The following PHF20 variants were observed in gnomAD, a reference collection of about 807,000 sequenced individuals.
PHF20 encodes the protein PHD finger protein 20.
A neutral mutation model predicts 113.5 loss-of-function variants in PHF20; 23 were observed. That is an observed-to-expected ratio of 0.20 (90% CI 0.15 to 0.29). The LOEUF is 0.29. PHF20 is among the 10% of genes least tolerant of loss of function. The probability of loss-of-function intolerance (pLI) is 1.00; values close to 1 mark genes in which losing one functional copy is unlikely to be tolerated. For synonymous variants in PHF20, 434 were observed against 457.3 expected (o/e 0.95, Z 0.65); for missense variants, 943 against 1,219.6 (o/e 0.77, Z 3.38).
intron 15 of PHF20, among the ~76,000 whole-genome samples, chr20:35,937,723 A>G (rs2055892640): frequency 6.6e-6 from 1 of 152,254 alleles, no homozygotes; most frequent in Non-Finnish European, 1.5e-5. Context: ...TTCCAGGGCT[A>G]GTTCAAAATA....
intron 1 of PHF20, among the ~76,000 whole-genome samples, chr20:35,773,687 T>A (rs1380305839): frequency 6.6e-6 from 1 of 152,252 alleles, no homozygotes; most frequent in Non-Finnish European, 1.5e-5. Context: ...ACCTAGTGGC[T>A]ATAAAGATTT....
intron 2 of PHF20, among the ~76,000 whole-genome samples, chr20:35,814,006 C>G (rs1183844369): frequency 6.7e-6 from 1 of 149,330 alleles, no homozygotes; most frequent in Non-Finnish European, 1.5e-5. Flanking sequence ...GATCACACCA[C>G]TGCTTGGGTG....
chr20:35,865,474 TTTAAA>T (rs1423902692), intron 6 of PHF20, among the ~76,000 whole-genome samples: 2 of 151,366 alleles, frequency 1.3e-5, no homozygotes. Flanking sequence ...TAAAATAGTA[TTTAAA>T]TTAACTTTTT....
At chr20:35,900,078 C>A (rs532641818) in intron 10 of PHF20, among the ~76,000 whole-genome samples, 3 of 152,154 alleles carry the variant, frequency 2.0e-5, no homozygotes, top group Non-Finnish European at 4.4e-5. Context: ...AAATGTGAAT[C>A]CTGTTTCATC....
intron 5 of PHF20, among the ~76,000 whole-genome samples, chr20:35,862,179 G>T (rs1373619256): frequency 6.6e-6 from 1 of 152,180 alleles, no homozygotes; most frequent in Non-Finnish European, 1.5e-5. Flanking sequence ...GAACATAGTA[G>T]GTGGCTTGTT....
At chr20:35,779,500 C>G (rs2041242123) in intron 1 of PHF20, among the ~76,000 whole-genome samples, 1 of 147,970 alleles carries the variant, frequency 6.8e-6, no homozygotes, top group Admixed American at 7.0e-5. Context: ...AAGTCCATAG[C>G]TGGTGGATTG....
rs775371669 is a variant in PHF20 at position 35,938,883 on chromosome 20, T to G, written c.2487T>G (p.Ser829=). ...CCCTGGCCCTGCCCCTGCCGCGTTC[T>G]GTGGAGGAATCCTATATCACCAGTG... ...PRPLALPLPR[S]VEESYITSEH... The change falls in exon 16 of 18, where the codon TCT becomes TCG. Residue 829 remains serine (S), a synonymous_variant. Coordinates refer to ENST00000374012, the MANE Select transcript of PHF20 (RefSeq NM_016436.5). The G allele has an allele frequency of 6.2e-7, 1 of 1,614,194 alleles. No individual in the cohort carries two copies. The highest frequency in any genetic ancestry group is 1.1e-5 in the South Asian group (1 of 91,080).
chr20:35,832,846 G>A (rs1241445536), intron 2 of PHF20, among the ~76,000 whole-genome samples: 1 of 152,098 alleles, frequency 6.6e-6, no homozygotes, highest in East Asian at 1.9e-4. Context: ...TCAGGAGTTC[G>A]AGACCAGCCT....
intron 9 of PHF20, among the ~76,000 whole-genome samples, chr20:35,877,907 T>C (rs1441505927): frequency 6.6e-6 from 1 of 152,244 alleles, no homozygotes; most frequent in Non-Finnish European, 1.5e-5. Flanking sequence ...ATAAAACGAA[T>C]GAATTGTCAC....
chr20:35,844,753 A>G (rs562629193), intron 3 of PHF20, among the ~76,000 whole-genome samples: 1 of 152,192 alleles, frequency 6.6e-6, no homozygotes, highest in Non-Finnish European at 1.5e-5. Flanking sequence ...TTATCATATT[A>G]AAACAAGGGT....
chr20:35,846,451 A>C (rs1056843814), intron 3 of PHF20, among the ~76,000 whole-genome samples: 4 of 152,206 alleles, frequency 2.6e-5, no homozygotes, highest in African/African-American at 7.2e-5. Context: ...GGTGTGAGCC[A>C]CTGCACCTGG....
At chr20:35,786,869 G>A (rs951216244) in intron 1 of PHF20, among the ~76,000 whole-genome samples, 2 of 152,092 alleles carry the variant, frequency 1.3e-5, no homozygotes, top group African/African-American at 4.8e-5. Flanking sequence ...TCCTCTGCAC[G>A]CAAGGAGTAA....
chr20:35,835,462 A>G (rs2042423822), intron 2 of PHF20, among the ~76,000 whole-genome samples: 1 of 152,198 alleles, frequency 6.6e-6, no homozygotes, highest in Non-Finnish European at 1.5e-5. Flanking sequence ...GGAAGGGCAT[A>G]ATACAAGAAC....
intron 1 of PHF20, among the ~76,000 whole-genome samples, chr20:35,783,672 T>C (rs1452400611): frequency 1.3e-5 from 2 of 151,994 alleles, no homozygotes; most frequent in Non-Finnish European, 2.9e-5. Flanking sequence ...GTGATTCTCC[T>C]GCCTCGGCCT....
chr20:35,791,479 ATCTATCTATCTATCT>A (rs1268624329), intron 1 of PHF20, among the ~76,000 whole-genome samples: 41 of 132,590 alleles, frequency 3.1e-4, no homozygotes, highest in Admixed American at 2.3e-3. Flanking sequence ...CTATCTATCT[ATCTATCTATCTATCT>A]ATCTATCTTA....
intron 9 of PHF20, among the ~76,000 whole-genome samples, chr20:35,876,123 T>C (rs2054516700): frequency 6.6e-6 from 1 of 152,178 alleles, no homozygotes. Flanking sequence ...TGCAACTGAT[T>C]GAAGCACTTA....
At chr20:35,900,759 C>A (rs1343935644) in intron 10 of PHF20, among the ~76,000 whole-genome samples, 1 of 152,018 alleles carries the variant, frequency 6.6e-6, no homozygotes, top group Non-Finnish European at 1.5e-5. Context: ...ATTGTTTGAA[C>A]CCAGGAGGCA....
At chr20:35,798,213 GAC>G (rs1300932265) in intron 1 of PHF20, among the ~76,000 whole-genome samples, 1 of 152,046 alleles carries the variant, frequency 6.6e-6, no homozygotes, top group Non-Finnish European at 1.5e-5. Flanking sequence ...GGGAGTTTGA[GAC>G]CAGCCCAGAC....
At chr20:35,841,508 A>G (rs2042534838) in intron 2 of PHF20, among the ~76,000 whole-genome samples, 1 of 152,144 alleles carries the variant, frequency 6.6e-6, no homozygotes, top group Non-Finnish European at 1.5e-5. Context: ...ACGGTGGCTC[A>G]TGCCTGTAAT....
Sources: allele counts gnomAD v4.1 joint callset (sites outside exome capture counted in the v4.1 genomes callset), GRCh38; gene constraint gnomAD v4.1.1; transcripts MANE v1.5; gene names NCBI Gene and HGNC (gene_info 2026-07-23, HGNC 2026-07-21).